Variants in PDS5B observed in about 807,000 individuals in gnomAD.
PDS5B encodes the protein sister chromatid cohesion protein PDS5 homolog B.
In PDS5B, 51 loss-of-function variants were observed where a neutral mutation model predicts 184.1. That is an observed-to-expected ratio of 0.28 (90% CI 0.22 to 0.35). The LOEUF is 0.35. Ranked by LOEUF, PDS5B falls within the 10% of genes least tolerant of loss-of-function variation. The pLI is 1.00. For synonymous variants in PDS5B, 566 were observed against 569.2 expected, an observed-to-expected ratio of 0.99 and a Z score of 0.08; for missense variants, 1,180 against 1,723.3, an observed-to-expected ratio of 0.68 and a Z score of 5.58.
intron 1 of PDS5B, among the ~76,000 whole-genome samples, chr13:32,605,465 A>G (rs910397736): frequency 5.3e-5 from 8 of 152,106 alleles, no homozygotes; most frequent in Non-Finnish European, 1.2e-4. Flanking sequence ...ATTCTTTTAC[A>G]TTTGCTGAGG....
At chr13:32,669,801 T>C (rs1950887463) in intron 7 of PDS5B, among the ~76,000 whole-genome samples, 1 of 152,228 alleles carries the variant, frequency 6.6e-6, no homozygotes, top group African/African-American at 2.4e-5. Context: ...CCTGTTTTCT[T>C]GTTCCTTGCC....
intron 26 of PDS5B, among the ~76,000 whole-genome samples, chr13:32,757,290 T>C (rs1650648685): frequency 6.6e-6 from 1 of 152,216 alleles, no homozygotes. Context: ...TATTTCTAAG[T>C]AGCCCCAGTG....
At chr13:32,610,736 T>G (rs1483206743) in intron 1 of PDS5B, among the ~76,000 whole-genome samples, 1 of 152,176 alleles carries the variant, frequency 6.6e-6, no homozygotes, top group African/African-American at 2.4e-5. Context: ...TACTAGTTGT[T>G]CATCCTTGAG....
chr13:32,619,375 A>T (rs1839841852), intron 1 of PDS5B, among the ~76,000 whole-genome samples: 1 of 152,178 alleles, frequency 6.6e-6, no homozygotes, highest in Admixed American at 6.5e-5. Flanking sequence ...ACAGCATGTT[A>T]CTGTTCTGAA....
intron 1 of PDS5B, among the ~76,000 whole-genome samples, chr13:32,595,161 T>A (rs1288507903): frequency 1.3e-5 from 2 of 152,078 alleles, no homozygotes. Flanking sequence ...AATAACAGAT[T>A]TCTTTCTTAA....
chr13:32,648,487 A>G (rs1950282554), intron 1 of PDS5B, among the ~76,000 whole-genome samples: 1 of 152,044 alleles, frequency 6.6e-6, no homozygotes, highest in African/African-American at 2.4e-5. Context: ...TCTCTAGCTT[A>G]CTATTATTAT....
At chr13:32,665,588 CAAAAAAA>C (rs34604938) in intron 6 of PDS5B, among the ~76,000 whole-genome samples, 14 of 25,880 alleles carry the variant, frequency 5.4e-4, no homozygotes, top group East Asian at 3.0e-3. Context: ...GACTCCGACT[CAAAAAAA>C]AAAAAAAAAA....
intron 30 of PDS5B, 49 bp downstream of exon 30, chr13:32,760,769 G>C (rs1411139668): frequency 6.5e-7 from 1 of 1,536,652 alleles, no homozygotes; most frequent in Non-Finnish European, 8.9e-7. Context: ...TTCCAGCAAG[G>C]CTATGAGATC....
intron 1 of PDS5B, among the ~76,000 whole-genome samples, chr13:32,607,137 C>G (rs549009162): frequency 6.6e-6 from 1 of 152,340 alleles, no homozygotes; most frequent in Non-Finnish European, 1.5e-5. Flanking sequence ...AAGAGGTGCT[C>G]TGAGTTTTAG....
At chr13:32,742,174 T>C (rs1418126887) in intron 22 of PDS5B, among the ~76,000 whole-genome samples, 1 of 152,168 alleles carries the variant, frequency 6.6e-6, no homozygotes, top group Non-Finnish European at 1.5e-5. Context: ...TTAAAGGAAG[T>C]AATGGGTGTA....
chr13:32,735,340 AT>A lies in PDS5B; in HGVS notation c.2406+16del. Reference sequence around the variant, plus strand: ...TCTCATGAATGATCGGGTAATTTATATTTTTTAGATTCATGTTCTTTGTAAT... The same window carrying A: ...TCTCATGAATGATCGGGTAATTTATATTTTTAGATTCATGTTCTTTGTAAT... On this transcript the variant is annotated intron_variant, in intron 21 of 34. Transcript: ENST00000315596. 2.5e-6 allele frequency: 4 copies of A among 1,581,760 alleles called. No homozygotes were observed. The highest frequency in any genetic ancestry group is 3.5e-6 in the Non-Finnish European group (4 of 1,158,698).
intron 8 of PDS5B, among the ~76,000 whole-genome samples, chr13:32,674,253 T>C (rs1020368283): frequency 2.0e-5 from 3 of 152,234 alleles, no homozygotes; most frequent in African/African-American, 7.2e-5. Flanking sequence ...TTATTAATCT[T>C]TGTGGACCCA....
intron 1 of PDS5B, among the ~76,000 whole-genome samples, chr13:32,596,153 C>G (rs1189657263): frequency 1.3e-5 from 2 of 152,070 alleles, no homozygotes; most frequent in Non-Finnish European, 2.9e-5. Context: ...ACACATGTAA[C>G]CAATAACCAC....
Position 32,658,331 on chromosome 13 carries a change from C to A in PDS5B, c.399+6C>A, listed in dbSNP as rs1950568403. On this transcript the variant is annotated splice_donor_region_variant and intron_variant, in intron 4 of 34. Coordinates refer to ENST00000315596, the MANE Select transcript of PDS5B (RefSeq NM_015032.4). Reference sequence around the variant, plus strand: ...GGTATTTTTATTTACTTGAGGTAAGCAATATCTTGTATCTTGAGATGACAT... The same window carrying A: ...GGTATTTTTATTTACTTGAGGTAAGAAATATCTTGTATCTTGAGATGACAT... 1 of 1,452,686 alleles carries A rather than the reference C, an allele frequency of 6.9e-7. No homozygotes were observed. Among genetic ancestry groups the A allele is most frequent in the Non-Finnish European group, 9.6e-7 (1 of 1,038,802 alleles). The allele number at this position is 1,452,686 out of a possible 1,614,324, so 90.0% of individuals were successfully genotyped here. A position where few individuals can be genotyped will look rare whatever the true frequency, so the allele number is the denominator to read the frequency against.
rs146603985 is a variant in PDS5B, at chr13:32,649,649, A to G, written c.108+769A>G. 16 of 152,172 alleles carry G rather than the reference A, an allele frequency of 1.1e-4. No homozygotes were observed. The East Asian group carries it at 3.1e-3, about 29-fold the overall frequency. 9.4% of individuals were successfully genotyped at this position (152,172 alleles called of 1,614,324 possible). On this transcript the variant is annotated intron_variant, in intron 2 of 34. Transcript: ENST00000315596. ...AAGATCCAGGGGCTTAAAAACAAAT[A>G]CTCTTCTTTATTGCTACATGGTGTA...
At chr13:32,737,089 A>G (rs1041112276) in intron 21 of PDS5B, among the ~76,000 whole-genome samples, 9 of 152,084 alleles carry the variant, frequency 5.9e-5, no homozygotes, top group South Asian at 2.1e-4. Flanking sequence ...CTATTCTCAA[A>G]ATTTTGGTCA....
intron 2 of PDS5B, chr13:32,649,144 T>C (rs777357322): frequency 6.2e-6 from 2 of 322,758 alleles, no homozygotes; most frequent in South Asian, 3.8e-5. Flanking sequence ...ACAATACTCA[T>C]ATTCCTTATT....
intron 31 of PDS5B, among the ~76,000 whole-genome samples, chr13:32,768,792 C>CAA (rs71194535): frequency 1.3e-4 from 6 of 46,178 alleles, no homozygotes; most frequent in Non-Finnish European, 2.6e-4. Context: ...GACTCTGTCT[C>CAA]AAAAAAAAAA....
intron 19 of PDS5B, among the ~76,000 whole-genome samples, chr13:32,720,360 C>T (rs1952627747): frequency 6.6e-6 from 1 of 151,922 alleles, no homozygotes; most frequent in South Asian, 2.1e-4. Flanking sequence ...GTAATATATG[C>T]AAACTTAAAA....
Sources: allele counts gnomAD v4.1 joint callset (sites outside exome capture counted in the v4.1 genomes callset), GRCh38; gene constraint gnomAD v4.1.1; transcripts MANE v1.5; gene names NCBI Gene and HGNC (gene_info 2026-07-23, HGNC 2026-07-21).